Variants in NAGA observed in about 807,000 individuals in gnomAD.
NAGA encodes the protein Acetylgalactosaminidase, alpha-N- (alpha-galactosidase B).
Under a neutral mutation model 45.6 loss-of-function variants are expected in NAGA, and 42 were observed. The observed-to-expected ratio is 0.92, with a 90% CI of 0.72 to 1.19. The LOEUF is 1.19. Ranked by LOEUF, NAGA falls within the 50% of genes most tolerant of loss-of-function variation. The pLI, the probability that NAGA is intolerant of heterozygous loss-of-function variation, is 0.00. For missense variants in NAGA, 493 were observed against 544.8 expected (o/e 0.90, Z 0.95); for synonymous variants, 176 against 203.1 (o/e 0.87, Z 1.13).
intron 1 of NAGA, among the ~76,000 whole-genome samples, chr22:42,070,026 C>T (rs889983230): frequency 1.3e-5 from 2 of 152,240 alleles, no homozygotes; most frequent in Non-Finnish European, 2.9e-5. Flanking sequence ...AGGGACTGTA[C>T]AGGCGGTTCT....
chr22:42,062,749 C>G (rs1051313830), intron 7 of NAGA, 78 bp downstream of exon 7: 5 of 1,531,190 alleles, frequency 3.3e-6, no homozygotes, highest in Non-Finnish European at 4.5e-6. Flanking sequence ...GGTGTTGCCC[C>G]CAGGGAGGCT....
At position 42,063,308 on chromosome 22, in the gene NAGA, C is replaced by T. The variant is rs544827529; in HGVS notation, c.760-284G>A. Among the ~76,000 whole-genome samples, 23 of 152,166 alleles carry T rather than the reference C, an allele frequency of 1.5e-4. No individual in the cohort carries two copies. The South Asian group carries it at 4.6e-3, about 30-fold the overall frequency. ...GTGCGGCGGCTCATGCTTGTAAATG[C>T]CAGCACTTTGGGAGGCTGAGGTAAG... On this transcript the variant is annotated intron_variant, in intron 6 of 8. Transcript: ENST00000396398.
Position 42,070,351 on chromosome 22 carries a change from C to A in NAGA, c.-54G>T. The A allele has an allele frequency of 1.2e-6, 2 of 1,610,144 alleles. No homozygotes were observed. The highest frequency in any genetic ancestry group is 1.7e-6 in the Non-Finnish European group (2 of 1,176,364). On this transcript the variant is annotated 5_prime_UTR_variant, in exon 1 of 9. Coordinates refer to ENST00000396398, the MANE Select transcript of NAGA (RefSeq NM_000262.3). ...ACCAGATCTGGTCTGCGTGTATCAG[C>A]TGTATGTGTTGGGCTCTGGAAGCTA... is the stretch of plus-strand genomic sequence containing the variant.
At chr22:42,063,331 A>G (rs141069867) in intron 6 of NAGA, among the ~76,000 whole-genome samples, 2 of 152,166 alleles carry the variant, frequency 1.3e-5, no homozygotes, top group Non-Finnish European at 2.9e-5. Flanking sequence ...AGGCTGAGGT[A>G]AGGAAGGAGA....
intron 5 of NAGA, 48 bp from the exon 6 acceptor site, chr22:42,065,947 C>G: frequency 6.2e-7 from 1 of 1,602,632 alleles, no homozygotes; most frequent in South Asian, 1.1e-5. Flanking sequence ...TCACACGCTG[C>G]AGCCCAGGGA....
chr22:42,068,917 C>T (rs1398609960), intron 1 of NAGA, among the ~76,000 whole-genome samples: 1 of 152,014 alleles, frequency 6.6e-6, no homozygotes, highest in Non-Finnish European at 1.5e-5. Flanking sequence ...TACAGATGCT[C>T]CTAGGCCTAC....
chr22:42,060,538 C>T, intron 8 of NAGA, 125 bp from the exon 9 acceptor site: 1 of 1,362,236 alleles, frequency 7.3e-7, no homozygotes, highest in African/African-American at 1.4e-5. Flanking sequence ...TCCAGTATGC[C>T]CTACAGAAGT....
intron 5 of NAGA, 84 bp downstream of exon 5, chr22:42,066,626 G>T: frequency 6.9e-6 from 9 of 1,309,494 alleles, no homozygotes; most frequent in South Asian, 3.9e-5. Flanking sequence ...GCTCTGGAAG[G>T]CCCCGTCCCT....
At chr22:42,069,896 A>G (rs568608759) in intron 1 of NAGA, among the ~76,000 whole-genome samples, 1 of 152,296 alleles carries the variant, frequency 6.6e-6, no homozygotes, top group African/African-American at 2.4e-5. Flanking sequence ...ACAGACCCTC[A>G]AGAGGCCTCA....
At chr22:42,068,025 TA>T in intron 2 of NAGA, 89 bp from the exon 3 acceptor site, 2 of 1,282,934 alleles carry the variant, frequency 1.6e-6, no homozygotes, top group Non-Finnish European at 2.3e-6. Flanking sequence ...ATCTGGGCTA[TA>T]AAAACCATGA....
rs777425990 is a variant in NAGA at position 42,066,765 on chromosome 22, C to T, written c.542G>A (p.Arg181His). Reference protein sequence around the residue: ...KMAAALNATGRPIAFSCSWPA... With the variant: ...KMAAALNATGHPIAFSCSWPA... ...CCAGCTGCAGGAGAAGGCGATGGGG[C>T]GGCCTGTGGCATTCAGGGCAGCAGC... Residue 181 changes from arginine to histidine, a missense_variant, in exon 5 of 9, where the codon CGC (arginine) becomes CAC (histidine). Transcript: ENST00000396398. 44 of 1,606,732 alleles carry T rather than the reference C, an allele frequency of 2.7e-5. 1 individual carries two copies. The highest frequency in any genetic ancestry group is 1.9e-4 in the South Asian group (17 of 89,750).
intron 7 of NAGA, among the ~76,000 whole-genome samples, chr22:42,061,794 C>CA (rs200378502): frequency 4.6e-5 from 7 of 151,130 alleles, no homozygotes; most frequent in Non-Finnish European, 8.9e-5. Context: ...GAAAAAAATA[C>CA]AAAAAAAATT....
Position 42,067,296 on chromosome 22 carries a change from G to A in NAGA, c.325-6C>T. On this transcript the variant is annotated splice_region_variant and splice_polypyrimidine_tract_variant and intron_variant, in intron 3 of 8. Coordinates refer to ENST00000396398, the MANE Select transcript of NAGA (RefSeq NM_000262.3). ...TTCAGGCCCAGGGAGTGAACCTGTG[G>A]GGGTTTGAGGACACAGTGGGCTCAA... The A allele has an allele frequency of 6.2e-7, 1 of 1,613,964 alleles. No individual in the cohort carries two copies. Among genetic ancestry groups the A allele is most frequent in the East Asian group, 2.2e-5 (1 of 44,864 alleles).
At chr22:42,063,107 G>T in intron 6 of NAGA, 83 bp from the exon 7 acceptor site, 1 of 1,371,918 alleles carries the variant, frequency 7.3e-7, no homozygotes. Flanking sequence ...TGTAGCCGAG[G>T]AAGAGCAATT....
chr22:42,065,393 A>G (rs1352785948), intron 6 of NAGA, among the ~76,000 whole-genome samples: 1 of 152,218 alleles, frequency 6.6e-6, no homozygotes, highest in Non-Finnish European at 1.5e-5. Context: ...AGAGCAGTCC[A>G]GGCACTAGGA....
chr22:42,059,575 A>G lies in NAGA; in HGVS notation c.*704T>C, dbSNP rs527869380. ...TCACCACTGCCAGCATACCAGGCACAGCAGGGGCAGCTCCTGGGTGTGAGG... is the reference window on the plus strand; with the variant it reads ...TCACCACTGCCAGCATACCAGGCACGGCAGGGGCAGCTCCTGGGTGTGAGG... On this transcript the variant is annotated 3_prime_UTR_variant, in exon 9 of 9. Transcript: ENST00000396398. 19 of 153,376 alleles carry G rather than the reference A, an allele frequency of 1.2e-4. No individual in the cohort carries two copies. The highest frequency in any genetic ancestry group is 3.8e-4 in the African/African-American group (16 of 41,582). 9.5% of individuals were successfully genotyped at this position (153,376 alleles called of 1,614,324 possible).
At chr22:42,068,109 G>T (rs1419258609) in intron 2 of NAGA, among the ~76,000 whole-genome samples, 173 bp from the exon 3 acceptor site, 1 of 152,214 alleles carries the variant, frequency 6.6e-6, no homozygotes, top group African/African-American at 2.4e-5. Flanking sequence ...TAAGCAAGCT[G>T]GCTTGAAAGG....
In NAGA at chr22:42,063,011, T is replaced by A; in HGVS notation, c.773A>T (p.Asn258Ile). ...WNDPDMLLIG[N>I]FGLSLEQSRA... is the part of the protein sequence containing the mutation. The stretch of plus-strand genomic sequence containing the variant: ...GGATTGCTCTAAGCTGAGACCAAAG[T>A]TCCCAATGAGCAGCTGGGGGCAGAG... The change falls in exon 7 of 9, where the codon AAC (asparagine) becomes ATC (isoleucine). Residue 258 changes from asparagine (N) to isoleucine (I), a missense_variant. Coordinates refer to ENST00000396398, the MANE Select transcript of NAGA (RefSeq NM_000262.3). The A allele has an allele frequency of 6.2e-7, 1 of 1,614,156 alleles. No individual in the cohort carries two copies. Among genetic ancestry groups the A allele is most frequent in the Non-Finnish European group, 8.5e-7 (1 of 1,180,036 alleles).
Position 42,059,357 on chromosome 22 carries a change from G to A in NAGA, c.*922C>T, listed in dbSNP as rs1473064031. On this transcript the variant is annotated 3_prime_UTR_variant, in exon 9 of 9. Coordinates refer to ENST00000396398, the MANE Select transcript of NAGA (RefSeq NM_000262.3). ...TAAGACACAACTCCTGGACAGGTTT[G>A]TGGACACATCTGGGGAATATGAACC... 1.3e-5 allele frequency: 2 copies of A among 152,306 alleles called. No homozygotes were observed. Among genetic ancestry groups the A allele is most frequent in the Non-Finnish European group, 2.9e-5 (2 of 68,100 alleles). 9.4% of individuals were successfully genotyped at this position (152,306 alleles called of 1,614,324 possible).
Sources: gnomAD v4.1 joint callset for allele counts (sites outside exome capture counted in the v4.1 genomes callset) on GRCh38, gnomAD v4.1.1 for gene constraint, MANE v1.5 for transcripts, NCBI Gene and HGNC (gene_info 2026-07-23, HGNC 2026-07-21) for gene names.